ITGA8: variants seen among roughly 807,000 people sequenced by gnomAD.
ITGA8 encodes the protein integrin alpha-8.
In ITGA8, 91 loss-of-function variants were observed where a neutral mutation model predicts 142.3. That is an observed-to-expected ratio of 0.64 (90% CI 0.54 to 0.76). The LOEUF is 0.76. Among genes scored for constraint, ITGA8 ranks in the 30% least tolerant of loss-of-function variants. The pLI, the probability that ITGA8 is intolerant of heterozygous loss-of-function variation, is 0.00. For synonymous variants in ITGA8, 505 were observed against 485.2 expected, an observed-to-expected ratio of 1.04 and a Z score of -0.54; for missense variants, 1,406 against 1,327.7, an observed-to-expected ratio of 1.06 and a Z score of -0.92.
chr10:15,719,816 G>T lies in ITGA8; in HGVS notation c.-45C>A. On this transcript the variant is annotated 5_prime_UTR_variant, in exon 1 of 30. Coordinates refer to ENST00000378076, the MANE Select transcript of ITGA8 (RefSeq NM_003638.3). ...TGGCTGCTACCCAGGAGCGCGAGCC[G>T]AGGACCCCTGCGGGGCAAGGGGGGC... 2 of 1,295,628 alleles carry T rather than the reference G, an allele frequency of 1.5e-6. No individual in the cohort carries two copies. The highest frequency in any genetic ancestry group is 2.0e-6 in the Non-Finnish European group (2 of 1,020,330). The allele number at this position is 1,295,628 out of a possible 1,614,324, so 80.3% of individuals were successfully genotyped here.
chr10:15,536,576 A>G (rs80024989), intron 27 of ITGA8, among the ~76,000 whole-genome samples: 20,097 of 152,222 alleles, frequency 0.13, 1,433 homozygotes, highest in Middle Eastern at 0.19. Flanking sequence ...CCCATATAGC[A>G]ATCTACTCAT....
intron 28 of ITGA8, among the ~76,000 whole-genome samples, chr10:15,525,645 CAAAAA>C (rs374326483): frequency 1.6e-5 from 1 of 63,796 alleles, no homozygotes; most frequent in Admixed American, 2.5e-4. Context: ...AACTCCATCT[CAAAAA>C]AAAAAAAAAA....
At chr10:15,566,776 C>A (rs1039292785) in intron 25 of ITGA8, among the ~76,000 whole-genome samples, 4 of 149,394 alleles carry the variant, frequency 2.7e-5, no homozygotes, top group African/African-American at 9.9e-5. Context: ...AGTGCCACTG[C>A]ACTCCAGCCC....
chr10:15,644,487 TATATAG>T lies in ITGA8; in HGVS notation c.1208-272_1208-267del, dbSNP rs1564389080. Among the ~76,000 whole-genome samples the T allele has an allele frequency of 1.6e-3, 31 of 19,718 alleles. 1 individual carries two copies. The highest frequency in any genetic ancestry group is 3.0e-3 in the Admixed American group (3 of 984). 12.9% of individuals were successfully genotyped at this position (19,718 alleles called of 152,430 possible). A position where few individuals can be genotyped will look rare whatever the true frequency, so the allele number is the denominator to read the frequency against. On this transcript the variant is annotated intron_variant, in intron 12 of 29. Transcript: ENST00000378076. ...ATATATATATATATATATATATATA[TATATAG>T]AATTTTTTTTTTTTTTTGAGCAATG...
chr10:15,525,359 A>C (rs1833151652), intron 28 of ITGA8, among the ~76,000 whole-genome samples: 1 of 152,060 alleles, frequency 6.6e-6, no homozygotes, highest in Non-Finnish European at 1.5e-5. Flanking sequence ...AAAGGAATAA[A>C]GGGCCAGGCA....
At chr10:15,714,270 C>A (rs1835412281) in intron 2 of ITGA8, among the ~76,000 whole-genome samples, 1 of 152,118 alleles carries the variant, frequency 6.6e-6, no homozygotes, top group African/African-American at 2.4e-5. Context: ...TTCTTTAACC[C>A]ATGCATTGGT....
chr10:15,535,757 A>T (rs1833418483), intron 27 of ITGA8, among the ~76,000 whole-genome samples: 1 of 152,202 alleles, frequency 6.6e-6, no homozygotes, highest in South Asian at 2.1e-4. Context: ...GAATAAAAGC[A>T]GGCTGCCTGG....
At chr10:15,594,737 G>A (rs913394161) in intron 21 of ITGA8, among the ~76,000 whole-genome samples, 13 of 152,130 alleles carry the variant, frequency 8.5e-5, no homozygotes, top group African/African-American at 3.1e-4. Context: ...AGCCGAGATT[G>A]TGCCATTGCA....
intron 3 of ITGA8, among the ~76,000 whole-genome samples, 166 bp downstream of exon 3, chr10:15,687,772 C>T (rs1187612962): frequency 6.6e-6 from 1 of 152,164 alleles, no homozygotes; most frequent in Non-Finnish European, 1.5e-5. Context: ...CACTAAAATA[C>T]ATTCTTTAAT....
At chr10:15,637,696 A>G (rs957421668) in intron 13 of ITGA8, among the ~76,000 whole-genome samples, 2 of 152,008 alleles carry the variant, frequency 1.3e-5, no homozygotes, top group Non-Finnish European at 2.9e-5. Flanking sequence ...TATTTTTAGT[A>G]GAGAAAGAGG....
chr10:15,534,001 G>A (rs961104951), intron 27 of ITGA8, among the ~76,000 whole-genome samples: 7 of 151,846 alleles, frequency 4.6e-5, no homozygotes, highest in African/African-American at 1.7e-4. Context: ...CCACCTCCCG[G>A]GTTCAAGTGA....
intron 21 of ITGA8, chr10:15,596,922 A>G (rs1833020147): frequency 3.0e-6 from 1 of 328,840 alleles, no homozygotes; most frequent in Non-Finnish European, 5.5e-6. Context: ...GAAAATATCT[A>G]TAGTAAAAAC....
At chr10:15,576,371 T>G (rs1261523789) in intron 23 of ITGA8, among the ~76,000 whole-genome samples, 1 of 152,184 alleles carries the variant, frequency 6.6e-6, no homozygotes, top group African/African-American at 2.4e-5. Context: ...ATATAACACA[T>G]GGCATTATTT....
chr10:15,525,293 A>G (rs573565397), intron 28 of ITGA8, among the ~76,000 whole-genome samples: 3 of 152,278 alleles, frequency 2.0e-5, no homozygotes, highest in East Asian at 3.9e-4. Context: ...GCACTGCCCA[A>G]TAGAAATACA....
chr10:15,648,154 A>T (rs12257826), intron 11 of ITGA8, among the ~76,000 whole-genome samples: 51,681 of 151,990 alleles, frequency 0.34, 9,086 homozygotes, highest in East Asian at 0.52. Context: ...TATAATGTAT[A>T]ATTTCTGTTT....
chr10:15,554,256 C>T (rs966617558), intron 26 of ITGA8, among the ~76,000 whole-genome samples: 1 of 152,274 alleles, frequency 6.6e-6, no homozygotes, highest in African/African-American at 2.4e-5. Flanking sequence ...AACTCATGAG[C>T]CTTCTCTGTA....
At chr10:15,537,601 G>T (rs1372972324) in intron 27 of ITGA8, among the ~76,000 whole-genome samples, 3 of 152,126 alleles carry the variant, frequency 2.0e-5, no homozygotes, top group Non-Finnish European at 1.5e-5. Context: ...CCTCCTACCG[G>T]AATAGAATGT....
At chr10:15,568,327 A>G (rs752062034) in intron 25 of ITGA8, among the ~76,000 whole-genome samples, 1 of 152,204 alleles carries the variant, frequency 6.6e-6, no homozygotes, top group Non-Finnish European at 1.5e-5. Flanking sequence ...TGTTTGGGCA[A>G]CAAGTGAGAT....
At chr10:15,672,553 T>A (rs1834543955) in intron 7 of ITGA8, 71 bp downstream of exon 7, 1 of 1,514,276 alleles carries the variant, frequency 6.6e-7, no homozygotes, top group African/African-American at 1.4e-5. Flanking sequence ...AAGTCAGGGA[T>A]AAAACTTGCA....
Sources: allele counts gnomAD v4.1 joint callset (sites outside exome capture counted in the v4.1 genomes callset), GRCh38; gene constraint gnomAD v4.1.1; transcripts MANE v1.5; gene names NCBI Gene and HGNC (gene_info 2026-07-23, HGNC 2026-07-21).